The following PLXDC2 variants were observed in gnomAD, a reference collection of about 807,000 sequenced individuals.
PLXDC2 encodes the protein plexin domain-containing protein 2.
A neutral mutation model predicts 68.9 loss-of-function variants in PLXDC2; 40 were observed. The ratio of observed to expected loss-of-function variants is 0.58; its 90% CI spans 0.45 to 0.76. PLXDC2 has a LOEUF of 0.76. PLXDC2 is among the 30% of genes least tolerant of loss of function. The pLI, the probability that PLXDC2 is intolerant of heterozygous loss-of-function variation, is 0.00. For synonymous variants in PLXDC2, 243 were observed against 234.2 expected (o/e 1.04, Z -0.34); for missense variants, 644 against 661.9 (o/e 0.97, Z 0.30).
chr10:20,067,483 C>G (rs150912527), intron 3 of PLXDC2, among the ~76,000 whole-genome samples: 5 of 151,970 alleles, frequency 3.3e-5, no homozygotes, highest in Non-Finnish European at 7.4e-5. Flanking sequence ...GTCAGGAGTT[C>G]GAGACCAGCC....
chr10:20,089,892 A>G (rs1464945680), intron 4 of PLXDC2, among the ~76,000 whole-genome samples: 1 of 152,244 alleles, frequency 6.6e-6, no homozygotes, highest in Non-Finnish European at 1.5e-5. Flanking sequence ...TTATTTTAAC[A>G]CAGACTCCAT....
chr10:20,255,237 C>G (rs1265210005), intron 13 of PLXDC2, among the ~76,000 whole-genome samples: 1 of 148,134 alleles, frequency 6.8e-6, no homozygotes, highest in Non-Finnish European at 1.5e-5. Context: ...AGATAGATAC[C>G]ACAGAAAGAT....
At chr10:20,061,518 A>C (rs1403656885) in intron 3 of PLXDC2, among the ~76,000 whole-genome samples, 1 of 152,214 alleles carries the variant, frequency 6.6e-6, no homozygotes, top group Non-Finnish European at 1.5e-5. Context: ...TACCTGGTTA[A>C]GGTGATACCT....
intron 1 of PLXDC2, among the ~76,000 whole-genome samples, chr10:19,887,252 G>A (rs1170436036): frequency 6.6e-6 from 1 of 152,222 alleles, no homozygotes; most frequent in African/African-American, 2.4e-5. Flanking sequence ...CAGGCACAGT[G>A]GCTCATGCCT....
intron 12 of PLXDC2, among the ~76,000 whole-genome samples, chr10:20,220,900 T>C (rs576251092): frequency 2.0e-5 from 3 of 147,654 alleles, no homozygotes; most frequent in Non-Finnish European, 4.4e-5. Context: ...TGGAGTGTAG[T>C]GGCACAATCT....
chr10:20,038,526 A>G (rs1432783418), intron 2 of PLXDC2, among the ~76,000 whole-genome samples: 1 of 152,174 alleles, frequency 6.6e-6, no homozygotes, highest in Non-Finnish European at 1.5e-5. Flanking sequence ...AATTGTTCTT[A>G]GTATCTGAAG....
intron 2 of PLXDC2, among the ~76,000 whole-genome samples, chr10:20,014,930 T>G (rs1199417915): frequency 6.6e-6 from 1 of 152,146 alleles, no homozygotes; most frequent in Non-Finnish European, 1.5e-5. Flanking sequence ...GAATGCAAAT[T>G]GCAGTAAATG....
chr10:20,237,480 A>G (rs1355698444), intron 12 of PLXDC2, among the ~76,000 whole-genome samples: 2 of 152,254 alleles, frequency 1.3e-5, no homozygotes, highest in Non-Finnish European at 2.9e-5. Context: ...AAAGTTAAAG[A>G]GGTAAGAGAG....
chr10:20,104,001 G>A (rs1833457824), intron 4 of PLXDC2, among the ~76,000 whole-genome samples: 1 of 152,136 alleles, frequency 6.6e-6, no homozygotes, highest in African/African-American at 2.4e-5. Context: ...AGAAGGACAT[G>A]GGGTCCAGTA....
chr10:19,935,347 A>T (rs952991271), intron 1 of PLXDC2, among the ~76,000 whole-genome samples: 2 of 152,190 alleles, frequency 1.3e-5, no homozygotes, highest in Non-Finnish European at 2.9e-5. Flanking sequence ...GTGGGCCTGG[A>T]GTGAGGGAAA....
chr10:20,139,849 G>A (rs556656975), intron 4 of PLXDC2, among the ~76,000 whole-genome samples: 21 of 150,938 alleles, frequency 1.4e-4, no homozygotes, highest in Admixed American at 4.6e-4. Context: ...CACGGGGGCC[G>A]GTCAGGGGGT....
At chr10:19,821,487 C>CCT (rs770004729) in intron 1 of PLXDC2, among the ~76,000 whole-genome samples, 3 of 152,138 alleles carry the variant, frequency 2.0e-5, no homozygotes, top group Non-Finnish European at 4.4e-5. Context: ...TCCATTTCTA[C>CCT]CTCTCTCTCA....
intron 1 of PLXDC2, among the ~76,000 whole-genome samples, chr10:19,916,173 G>T (rs77434096): frequency 0.023 from 3,390 of 147,966 alleles, 132 homozygotes; most frequent in African/African-American, 0.08. Context: ...CTGTCACCTA[G>T]GCTGGAGTAC....
At chr10:19,878,828 G>A (rs923094221) in intron 1 of PLXDC2, among the ~76,000 whole-genome samples, 4 of 152,126 alleles carry the variant, frequency 2.6e-5, no homozygotes, top group African/African-American at 9.6e-5. Flanking sequence ...TATATAAAAC[G>A]AACTGTGGCT....
chr10:19,931,460 C>T (rs1269213738), intron 1 of PLXDC2, among the ~76,000 whole-genome samples: 1 of 152,174 alleles, frequency 6.6e-6, no homozygotes, highest in Non-Finnish European at 1.5e-5. Context: ...TTAAAAGGTG[C>T]ATGTAAATCA....
At chr10:20,270,905 G>C (rs1032011285) in intron 13 of PLXDC2, among the ~76,000 whole-genome samples, 6 of 150,670 alleles carry the variant, frequency 4.0e-5, no homozygotes, top group Non-Finnish European at 7.4e-5. Flanking sequence ...TTTTAGGCAG[G>C]TTTGGTTTGA....
At chr10:19,958,495 C>T (rs1834106126) in intron 1 of PLXDC2, among the ~76,000 whole-genome samples, 1 of 152,164 alleles carries the variant, frequency 6.6e-6, no homozygotes, top group South Asian at 2.1e-4. Context: ...TGACGTATCC[C>T]CTTTGGCCAT....
intron 1 of PLXDC2, among the ~76,000 whole-genome samples, chr10:19,911,015 C>CA (rs955318323): frequency 6.6e-6 from 1 of 151,304 alleles, no homozygotes; most frequent in East Asian, 2.0e-4. Context: ...TCTCAGAAAA[C>CA]AAAAAACAAA....
chr10:20,099,736 C>T (rs888214659), intron 4 of PLXDC2, among the ~76,000 whole-genome samples: 4 of 152,052 alleles, frequency 2.6e-5, no homozygotes, highest in African/African-American at 7.2e-5. Context: ...AGGATAATGC[C>T]TAGTTAGAGT....
Sources: allele counts gnomAD v4.1 joint callset (sites outside exome capture counted in the v4.1 genomes callset), GRCh38; gene constraint gnomAD v4.1.1; transcripts MANE v1.5; gene names NCBI Gene and HGNC (gene_info 2026-07-23, HGNC 2026-07-21).